MYOM3: variants seen among roughly 807,000 people sequenced by gnomAD.
The protein encoded by MYOM3 is myomesin-3.
MYOM3 carries 155 observed loss-of-function variants against 191.7 expected under a neutral mutation model. The ratio of observed to expected loss-of-function variants is 0.81; its 90% CI spans 0.71 to 0.92. The LOEUF (loss-of-function observed/expected upper bound fraction) is 0.92, where lower values mean the gene tolerates loss of function less well. Ranked by LOEUF, MYOM3 falls within the 40% of genes least tolerant of loss-of-function variation. The probability of loss-of-function intolerance (pLI) is 0.00; values close to 1 mark genes in which losing one functional copy is unlikely to be tolerated. For synonymous variants in MYOM3, 757 were observed against 762.9 expected, an observed-to-expected ratio of 0.99 and a Z score of 0.13; for missense variants, 1,889 against 1,890.6, an observed-to-expected ratio of 1.00 and a Z score of 0.02.
chr1:24,086,514 T>G, intron 15 of MYOM3, 130 bp downstream of exon 15: 1 of 910,822 alleles, frequency 1.1e-6, no homozygotes, highest in Non-Finnish European at 1.6e-6. Flanking sequence ...GAGATCAAAT[T>G]GCTTTTCAGC....
intron 7 of MYOM3, among the ~76,000 whole-genome samples, chr1:24,096,653 G>A (rs1412706951): frequency 6.6e-6 from 1 of 152,194 alleles, no homozygotes; most frequent in African/African-American, 2.4e-5. Context: ...CAGGGAGGGT[G>A]GCCTGGGATC....
In MYOM3 at chr1:24,092,990, C is replaced by T. The variant is rs1252436711; in HGVS notation, c.1047G>A (p.Ser349=). The T allele has an allele frequency of 8.1e-6, 13 of 1,609,172 alleles. No individual in the cohort carries two copies. The highest frequency in any genetic ancestry group is 5.1e-5 in the Admixed American group (3 of 59,154). ...TGCTCTGTTCCCGGGGTCCGAAGGG[C>T]GAGGGCACCCGGACCATGTAGAGCC... The part of the protein sequence containing the change: ...DEGLYMVRVP[S]PFGPREQSTY... The change falls in exon 10 of 37, where the codon TCG becomes TCA. Residue 349 remains serine, a synonymous_variant. Coordinates refer to ENST00000374434, the MANE Select transcript of MYOM3 (RefSeq NM_152372.4).
intron 20 of MYOM3, among the ~76,000 whole-genome samples, chr1:24,077,779 C>T (rs1361268942): frequency 6.6e-6 from 1 of 152,202 alleles, no homozygotes; most frequent in Non-Finnish European, 1.5e-5. Context: ...GGCCAACTGT[C>T]CACATGCAGA....
chr1:24,089,793 C>T (rs1643792979), intron 13 of MYOM3, 128 bp from the exon 14 acceptor site: 1 of 1,157,122 alleles, frequency 8.6e-7, no homozygotes. Flanking sequence ...TAGTTGGCTC[C>T]AGGTCACTCA....
chr1:24,077,218 T>C (rs1643612340), intron 20 of MYOM3, among the ~76,000 whole-genome samples: 1 of 152,214 alleles, frequency 6.6e-6, no homozygotes. Context: ...AGTCCAACAG[T>C]TTCCTAAAGG....
intron 7 of MYOM3, among the ~76,000 whole-genome samples, chr1:24,095,852 T>G (rs192051973): frequency 6.6e-6 from 1 of 151,984 alleles, no homozygotes; most frequent in South Asian, 2.1e-4. Flanking sequence ...TCTGGTGGGA[T>G]CAGGGAGAGT....
chr1:24,102,202 C>T (rs1324155311), intron 5 of MYOM3, among the ~76,000 whole-genome samples: 1 of 152,204 alleles, frequency 6.6e-6, no homozygotes, highest in Non-Finnish European at 1.5e-5. Flanking sequence ...ACAGCCACAC[C>T]CACGCCCCAC....
Position 24,086,822 on chromosome 1 carries a change from G to T in MYOM3, c.1620C>A (p.Val540=). ...TGGCCTCCCAGGTGCCACTACCTAT[G>T]ACTGACTGAAGAAACAGAGGGACTC... ...APLTYSLEKS[V]IGSGTWEAIS... is the part of the protein sequence containing the mutation. Residue 540 remains valine, a synonymous_variant, in exon 15 of 37, where the codon GTC becomes GTA. Transcript: ENST00000374434. 1 of 1,613,872 alleles carries T rather than the reference G, an allele frequency of 6.2e-7. No individual in the cohort carries two copies. The highest frequency in any genetic ancestry group is 1.1e-5 in the South Asian group (1 of 91,040).
Position 24,097,981 on chromosome 1 carries a change from A to G in MYOM3, c.687T>C (p.Thr229=). The G allele has an allele frequency of 6.2e-7, 1 of 1,613,902 alleles. No homozygotes were observed. Among genetic ancestry groups the G allele is most frequent in the Non-Finnish European group, 8.5e-7 (1 of 1,179,750 alleles). Residue 229 remains threonine (T), a synonymous_variant, in exon 7 of 37, where the codon ACT becomes ACC. Transcript: ENST00000374434. ...GGCCGTGGGCGTTCTTCACTCGCACAGTGTAAGTTGCTGAGTCCTCAATGG... is the reference window on the plus strand; with the variant it reads ...GGCCGTGGGCGTTCTTCACTCGCACGGTGTAAGTTGCTGAGTCCTCAATGG... ...RCAIEDSATY[T]VRVKNAHGQA...
rs2148550349 is a variant in MYOM3 at position 24,080,133 on chromosome 1, T to A, written c.2469A>T (p.Glu823Asp). 3.7e-6 allele frequency: 6 copies of A among 1,612,880 alleles called. No homozygotes were observed. The highest frequency in any genetic ancestry group is 5.1e-6 in the Non-Finnish European group (6 of 1,179,232). The change falls in exon 20 of 37, where the codon GAA becomes GAT. Residue 823 changes from glutamate to aspartate, a missense_variant. Physicochemically the swap from Glu to Asp is conservative, Grantham distance 45. Coordinates refer to ENST00000374434, the MANE Select transcript of MYOM3 (RefSeq NM_152372.4). ...GCCCAGCCCCCATATACAGTGGGGG[T>A]TCCCACTGCAGCACCAGGGATGTGG... ...VRATSLVLQW[E>D]PPLYMGAGPV...
chr1:24,106,210 T>G, intron 4 of MYOM3, 133 bp from the exon 5 acceptor site: 2 of 1,047,424 alleles, frequency 1.9e-6, no homozygotes, highest in Non-Finnish European at 2.7e-6. Flanking sequence ...TCCCCTCCCC[T>G]AGCTGAGCAG....
chr1:24,071,400 G>A, intron 24 of MYOM3, 147 bp from the exon 25 acceptor site: 1 of 958,620 alleles, frequency 1.0e-6, no homozygotes, highest in Non-Finnish European at 1.5e-6. Flanking sequence ...GGGGCTCAGA[G>A]GAGGGTTTTC....
At chr1:24,093,178 T>G (rs943025810) in intron 9 of MYOM3, 70 bp from the exon 10 acceptor site, 32 of 964,276 alleles carry the variant, frequency 3.3e-5, no homozygotes, top group Non-Finnish European at 4.1e-5. Flanking sequence ...CCACAGAAAC[T>G]GGGGGGTCTG....
chr1:24,070,429 A>T (rs555800547), intron 25 of MYOM3, among the ~76,000 whole-genome samples: 72 of 150,784 alleles, frequency 4.8e-4, no homozygotes, highest in African/African-American at 9.7e-4. Flanking sequence ...AAAAAAAAAA[A>T]ATATAAAAAT....
intron 13 of MYOM3, 31 bp from the exon 14 acceptor site, chr1:24,089,696 G>T (rs1226126985): frequency 1.3e-6 from 2 of 1,549,868 alleles, no homozygotes; most frequent in Non-Finnish European, 1.7e-6. Flanking sequence ...GACCGAGATG[G>T]TTGGACCCTC....
chr1:24,088,248 C>G (rs1319126120), intron 14 of MYOM3, among the ~76,000 whole-genome samples: 1 of 152,124 alleles, frequency 6.6e-6, no homozygotes, highest in Non-Finnish European at 1.5e-5. Context: ...GGTTTTCCCC[C>G]CACAAGCCCA....
In MYOM3 at chr1:24,096,046, C is replaced by G. The variant is rs150324830; in HGVS notation, c.746-560G>C. Among the ~76,000 whole-genome samples, 1,067 of 152,352 alleles carry G rather than the reference C, an allele frequency of 7.0e-3. 6 individuals carry two copies. Among genetic ancestry groups the G allele is most frequent in the Non-Finnish European group, 7.8e-3 (534 of 68,042 alleles). On this transcript the variant is annotated intron_variant, in intron 7 of 36. Coordinates refer to ENST00000374434, the MANE Select transcript of MYOM3 (RefSeq NM_152372.4). ...ACATTGACTCATTCTATCTTCACAA[C>G]AGCCCTGTCAGTTGGTACTATTATT... is the stretch of plus-strand genomic sequence containing the variant.
intron 20 of MYOM3, 75 bp from the exon 21 acceptor site, chr1:24,076,348 G>A (rs1643599328): frequency 9.3e-7 from 1 of 1,071,906 alleles, no homozygotes; most frequent in South Asian, 1.3e-5. Context: ...AGGGAGCAGG[G>A]AGCCACTCTC....
intron 5 of MYOM3, among the ~76,000 whole-genome samples, chr1:24,103,512 T>C (rs1164812540): frequency 2.0e-5 from 3 of 152,206 alleles, no homozygotes; most frequent in African/African-American, 7.2e-5. Context: ...AAGTAAAGAA[T>C]GTGTAAGCAA....
Sources: allele counts gnomAD v4.1 joint callset (sites outside exome capture counted in the v4.1 genomes callset), GRCh38; gene constraint gnomAD v4.1.1; transcripts MANE v1.5; gene names NCBI Gene and HGNC (gene_info 2026-07-23, HGNC 2026-07-21).